MGA: variants seen among roughly 807,000 people sequenced by gnomAD.
MGA encodes the protein MAX dimerization protein MGA.
Under a neutral mutation model 261.1 loss-of-function variants are expected in MGA, and 40 were observed. The observed-to-expected ratio is 0.15, with a 90% CI of 0.12 to 0.20. The LOEUF (loss-of-function observed/expected upper bound fraction) is 0.20. Ranked by LOEUF, MGA falls within the 10% of genes least tolerant of loss-of-function variation. The pLI is 1.00. For missense variants in MGA, 3,397 were observed against 3,630.5 expected (o/e 0.94, Z 1.65); for synonymous variants, 1,302 against 1,290.6 (o/e 1.01, Z -0.19).
At chr15:41,657,422 C>T (rs188973874), upstream of MGA, among the ~76,000 whole-genome samples, 9 of 143,324 alleles carry the variant, frequency 6.3e-5, no homozygotes, top group East Asian at 4.4e-4. Flanking sequence ...GGCGCGATCT[C>T]GGCTCACTGC....
At chr15:41,699,298 C>T in intron 5 of MGA, 139 bp downstream of exon 5, 1 of 606,318 alleles carries the variant, frequency 1.6e-6, no homozygotes. Context: ...TCATTTCTTT[C>T]AGCACGTCTT....
intron 9 of MGA, among the ~76,000 whole-genome samples, chr15:41,720,042 T>C (rs1224452477): frequency 1.3e-5 from 2 of 152,210 alleles, no homozygotes; most frequent in Non-Finnish European, 2.9e-5. Flanking sequence ...ATCAAAACTC[T>C]GATAGCTTTT....
At chr15:41,647,682 C>G (rs2056961318) in intron 1 of MGA, among the ~76,000 whole-genome samples, 1 of 152,130 alleles carries the variant, frequency 6.6e-6, no homozygotes, top group Admixed American at 6.5e-5. Flanking sequence ...ATATTTTACT[C>G]TACATTTTTG....
At position 41,697,994 on chromosome 15, in the gene MGA, G is replaced by A. The variant is rs968254555; in HGVS notation, c.2014-869G>A. 6.6e-5 allele frequency among the ~76,000 whole-genome samples: 10 copies of A among 151,660 alleles called. 1 individual carries two copies. The highest frequency in any genetic ancestry group is 4.2e-4 in the South Asian group (2 of 4,812). ...TGCCATTCCCCTGCCTCAGACTCCC[G>A]AGTAGCTGGGACTACAGGTGCTCGC... On this transcript the variant is annotated intron_variant, in intron 3 of 23. Coordinates refer to ENST00000219905, the MANE Select transcript of MGA (RefSeq NM_001164273.2).
intron 2 of MGA, among the ~76,000 whole-genome samples, chr15:41,670,443 T>G (rs750927005): frequency 1.3e-5 from 2 of 152,174 alleles, no homozygotes; most frequent in Admixed American, 6.5e-5. Context: ...AGAGAGAGAC[T>G]GAAAGATGTT....
rs758032181 is a variant in MGA, at chr15:41,736,177, T to A, written c.3917-4T>A. The A allele has an allele frequency of 1.3e-6, 2 of 1,529,034 alleles. No individual in the cohort carries two copies. The highest frequency in any genetic ancestry group is 1.8e-6 in the Non-Finnish European group (2 of 1,139,444). The allele number at this position is 1,529,034 out of a possible 1,614,324, so 94.7% of individuals were successfully genotyped here. On this transcript the variant is annotated splice_polypyrimidine_tract_variant and splice_region_variant and intron_variant, in intron 12 of 23. Transcript: ENST00000219905. ...TTTTCTTTTTTATTATTATTTTACATCAGAAAAGAGCTGGAAGTCTTCCTG... is the reference window on the plus strand; with the variant it reads ...TTTTCTTTTTTATTATTATTTTACAACAGAAAAGAGCTGGAAGTCTTCCTG...
At chr15:41,638,688 CTTTTTT>C (rs761492514) in intron 1 of MGA, among the ~76,000 whole-genome samples, 2 of 115,654 alleles carry the variant, frequency 1.7e-5, no homozygotes, top group Non-Finnish European at 1.8e-5. Flanking sequence ...TTTTCTTTTT[CTTTTTT>C]TTTTTTTTTT....
intron 2 of MGA, among the ~76,000 whole-genome samples, chr15:41,681,507 AG>A (rs1031128635): frequency 9.9e-5 from 15 of 151,776 alleles, no homozygotes; most frequent in Middle Eastern, 3.4e-3. Context: ...GCTGGAGTGT[AG>A]TGGGTGATCA....
chr15:41,691,003 T>TTG (rs2059255042), intron 2 of MGA, among the ~76,000 whole-genome samples: 1 of 151,320 alleles, frequency 6.6e-6, no homozygotes, highest in South Asian at 2.1e-4. Context: ...TGTTTTTTTT[T>TTG]TTTTTTTTTG....
Position 41,736,269 on chromosome 15 carries a change from G to T in MGA, c.4005G>T (p.Leu1335=). 1 of 1,613,984 alleles carries T rather than the reference G, an allele frequency of 6.2e-7. No homozygotes were observed. Among genetic ancestry groups the T allele is most frequent in the Non-Finnish European group, 8.5e-7 (1 of 1,179,886 alleles). Residue 1335 remains leucine (L), a synonymous_variant, in exon 13 of 24, where the codon CTG becomes CTT. Coordinates refer to ENST00000219905, the MANE Select transcript of MGA (RefSeq NM_001164273.2). ...GGTCACCTGGTGGTCCCACCAAACT[G>T]ATTGAGATCATCTCAGACTGCAACT...
chr15:41,633,351 G>A (rs967007955), intron 1 of MGA, among the ~76,000 whole-genome samples: 3 of 102,438 alleles, frequency 2.9e-5, no homozygotes, highest in Non-Finnish European at 6.1e-5. Context: ...GCCCTCCTAT[G>A]GTATTTTTTT....
chr15:41,626,718 C>T (rs560606056), intron 1 of MGA, among the ~76,000 whole-genome samples: 4 of 152,130 alleles, frequency 2.6e-5, no homozygotes, highest in East Asian at 3.9e-4. Context: ...CCACTGTGCC[C>T]GGCCTAAAAA....
At chr15:41,652,282 C>A (rs1012544231) in intron 1 of MGA, among the ~76,000 whole-genome samples, 2 of 148,644 alleles carry the variant, frequency 1.3e-5, no homozygotes, top group African/African-American at 5.0e-5. Context: ...CTCCTCTTTC[C>A]CCTCTTATTT....
chr15:41,677,380 G>C (rs1595679006), intron 2 of MGA, among the ~76,000 whole-genome samples: 1 of 152,334 alleles, frequency 6.6e-6, no homozygotes, highest in Non-Finnish European at 1.5e-5. Context: ...GACCTCAGGT[G>C]ATCCAGCCAC....
chr15:41,712,043 A>G (rs921713764), intron 8 of MGA, among the ~76,000 whole-genome samples: 1 of 152,200 alleles, frequency 6.6e-6, no homozygotes, highest in Non-Finnish European at 1.5e-5. Flanking sequence ...ATTGAAAATT[A>G]AAAACCTCTG....
intron 3 of MGA, 109 bp from the exon 4 acceptor site, chr15:41,698,754 G>A: frequency 1.3e-6 from 1 of 756,488 alleles, no homozygotes; most frequent in East Asian, 2.7e-5. Flanking sequence ...CGTAACTGTA[G>A]GCATGGAGAT....
intron 1 of MGA, among the ~76,000 whole-genome samples, chr15:41,639,426 C>T (rs2056777580): frequency 6.6e-6 from 1 of 151,972 alleles, no homozygotes; most frequent in Non-Finnish European, 1.5e-5. Context: ...GCACTCTTTC[C>T]TCACAAGCTG....
intron 1 of MGA, among the ~76,000 whole-genome samples, chr15:41,653,093 G>A (rs112965715): frequency 6.6e-6 from 1 of 152,082 alleles, no homozygotes; most frequent in Non-Finnish European, 1.5e-5. Context: ...GTAGCTGGGC[G>A]TGGTAGCTCA....
intron 2 of MGA, chr15:41,691,626 A>C (rs369058770): frequency 1.1e-4 from 55 of 518,296 alleles, no homozygotes; most frequent in African/African-American, 1.0e-3. Flanking sequence ...GAGTATTTTT[A>C]TGCAATCTGA....
Sources: gnomAD v4.1 joint callset for allele counts (sites outside exome capture counted in the v4.1 genomes callset) on GRCh38, gnomAD v4.1.1 for gene constraint, MANE v1.5 for transcripts, NCBI Gene and HGNC (gene_info 2026-07-23, HGNC 2026-07-21) for gene names.